The following PDE10A variants were observed in gnomAD, a reference collection of about 807,000 sequenced individuals.
PDE10A encodes cAMP and cAMP-inhibited cGMP 3',5'-cyclic phosphodiesterase 10A.
A neutral mutation model predicts 97.7 loss-of-function variants in PDE10A; 39 were observed. That is an observed-to-expected ratio of 0.40 (90% CI 0.31 to 0.52). PDE10A has a LOEUF of 0.52. PDE10A is among the 20% of genes least tolerant of loss of function. The probability of loss-of-function intolerance (pLI) is 0.56; values close to 1 mark genes in which losing one functional copy is unlikely to be tolerated. For missense variants in PDE10A, 731 were observed against 1,047.8 expected (o/e 0.70, Z 4.17); for synonymous variants, 371 against 376.8 (o/e 0.98, Z 0.18).
intron 1 of PDE10A, among the ~76,000 whole-genome samples, chr6:165,679,129 G>A (rs999987493): frequency 1.3e-5 from 2 of 152,160 alleles, no homozygotes; most frequent in Admixed American, 6.5e-5. Context: ...CAGGATAAGG[G>A]GTGCCCCATG....
At chr6:165,405,205 T>C (rs1208046983) in intron 13 of PDE10A, among the ~76,000 whole-genome samples, 1 of 152,208 alleles carries the variant, frequency 6.6e-6, no homozygotes, top group Non-Finnish European at 1.5e-5. Flanking sequence ...CCTCAGCGTA[T>C]AGAAGACAAC....
Position 165,485,982 on chromosome 6 carries a change from G to T in PDE10A, c.995-3639C>A, listed in dbSNP as rs147110010. ...AGAGTTGATCCTGCCTGCTGCTAAG[G>T]ACATTTGTTGTCAACTTTTAGGAGA... is the stretch of plus-strand genomic sequence containing the variant. On this transcript the variant is annotated intron_variant, in intron 2 of 21. Transcript: ENST00000539869. Among the ~76,000 whole-genome samples the T allele has an allele frequency of 6.3e-3, 965 of 152,322 alleles. 34 individuals carry two copies. The highest frequency in any genetic ancestry group is 0.042 in the Admixed American group (644 of 15,300).
chr6:165,811,525 G>A (rs1486990284), intron 1 of PDE10A, among the ~76,000 whole-genome samples: 13 of 152,090 alleles, frequency 8.5e-5, no homozygotes. Flanking sequence ...CCCTTCCCTG[G>A]TCCACTCATT....
intron 1 of PDE10A, among the ~76,000 whole-genome samples, chr6:165,869,199 C>T (rs1208597440): frequency 6.6e-6 from 1 of 151,408 alleles, no homozygotes; most frequent in Non-Finnish European, 1.5e-5. Context: ...TAGAGAAAAA[C>T]CTAAAGATCC....
At chr6:165,774,875 T>TA (rs2046992547) in intron 1 of PDE10A, 5 of 146,998 alleles carry the variant, frequency 3.4e-5, no homozygotes, top group South Asian at 2.2e-4. Context: ...TTCATAGTCC[T>TA]AAAAAAATCC....
chr6:165,975,654 C>T (rs1784825271), intron 1 of PDE10A, among the ~76,000 whole-genome samples: 1 of 152,158 alleles, frequency 6.6e-6, no homozygotes, highest in Admixed American at 6.5e-5. Flanking sequence ...TCAGATGACA[C>T]TTTGTTCTAT....
intron 1 of PDE10A, among the ~76,000 whole-genome samples, chr6:165,861,702 A>G (rs796275098): frequency 9.9e-5 from 15 of 152,132 alleles, no homozygotes; most frequent in African/African-American, 3.6e-4. Context: ...AGGCAAGGGA[A>G]GGGAGTGACG....
intron 1 of PDE10A, among the ~76,000 whole-genome samples, chr6:165,558,765 G>A (rs752064250): frequency 8.5e-5 from 13 of 152,110 alleles, no homozygotes; most frequent in Middle Eastern, 3.4e-3. Context: ...CTCAAAAAAC[G>A]AAGGCAAATA....
chr6:165,575,535 A>G (rs573433834), intron 1 of PDE10A, among the ~76,000 whole-genome samples: 1 of 151,958 alleles, frequency 6.6e-6, no homozygotes, highest in East Asian at 1.9e-4. Context: ...TTTCCCCTTT[A>G]TGTCTCATGT....
At position 165,433,019 on chromosome 6, in the gene PDE10A, C is replaced by T. The variant is rs1403075177; in HGVS notation, c.1446G>A (p.Leu482=). ...AIGDLIGILE[L]YRHWGKEAFC... ...AGGCTTCTTTGCCCCAGTGCCGATACAGCTCGAGAATACCAATCAAGTCAC... is the reference window on the plus strand; with the variant it reads ...AGGCTTCTTTGCCCCAGTGCCGATATAGCTCGAGAATACCAATCAAGTCAC... Residue 482 remains leucine, a synonymous_variant, in exon 7 of 22, where the codon CTG becomes CTA. Transcript: ENST00000539869. The T allele has an allele frequency of 3.1e-6, 5 of 1,613,858 alleles. No homozygotes were observed. The Admixed American group carries it at 6.7e-5, about 22-fold the overall frequency.
At chr6:165,545,055 T>C (rs1783670348) in intron 1 of PDE10A, 2 of 434,434 alleles carry the variant, frequency 4.6e-6, no homozygotes, top group Non-Finnish European at 8.7e-6. Context: ...AGTAAGCTGA[T>C]AGCATACTTG....
chr6:165,862,599 A>C (rs2128476977), intron 1 of PDE10A, among the ~76,000 whole-genome samples: 1 of 152,298 alleles, frequency 6.6e-6, no homozygotes, highest in East Asian at 1.9e-4. Context: ...TGATGAATTC[A>C]GGACCACACT....
In PDE10A at chr6:165,705,550, T is replaced by C. The variant is rs560965460; in HGVS notation, c.-614-161982A>G. On this transcript the variant is annotated intron_variant, in intron 1 of 19. Transcript: ENST00000366882. ...TACTGCAGTGGGAAGGCAAATTTCATGAATTCAAAATGTTATTCAAATAAT... is the reference window on the plus strand; with the variant it reads ...TACTGCAGTGGGAAGGCAAATTTCACGAATTCAAAATGTTATTCAAATAAT... Among the ~76,000 whole-genome samples, 21 of 152,376 alleles carry C rather than the reference T, an allele frequency of 1.4e-4. No homozygotes were observed. The South Asian group carries it at 4.3e-3, about 32-fold the overall frequency.
intron 2 of PDE10A, among the ~76,000 whole-genome samples, chr6:165,539,025 T>G (rs1783263939): frequency 6.6e-6 from 1 of 152,208 alleles, no homozygotes; most frequent in Non-Finnish European, 1.5e-5. Flanking sequence ...TGATGAAACC[T>G]GTTTAAAACT....
Position 165,619,547 on chromosome 6 carries a change from G to GTCTAATGTAGCGTAGTGTAC in PDE10A, c.865+42399_865+42400insGTACACTACGCTACATTAGA, listed in dbSNP as rs1272376275. On this transcript the variant is annotated intron_variant, in intron 1 of 21. Coordinates refer to ENST00000539869, the MANE Select transcript of PDE10A (RefSeq NM_001385079.1). ...GTGTAGTGTAGTCTAATGTAGTGTA[G>GTCTAATGTAGCGTAGTGTAC]TGTAGTCTAGTGTAGTATACTGTAG... Among the ~76,000 whole-genome samples the GTCTAATGTAGCGTAGTGTAC allele has an allele frequency of 1.2e-3, 142 of 115,498 alleles. 35 individuals carry two copies. The highest frequency in any genetic ancestry group is 4.5e-3 in the Middle Eastern group (1 of 220). The allele number at this position is 115,498 out of a possible 152,430, so 75.8% of individuals were successfully genotyped here.
chr6:165,450,232 T>C lies in PDE10A; in HGVS notation c.1144+10A>G. Reference sequence around the variant, plus strand: ...CATTTTTTCTAACAGGAACACAAAATGCTTCTTACCTATTTTAATGATGCT... The same window carrying C: ...CATTTTTTCTAACAGGAACACAAAACGCTTCTTACCTATTTTAATGATGCT... On this transcript the variant is annotated intron_variant, in intron 4 of 21. Coordinates refer to ENST00000539869, the MANE Select transcript of PDE10A (RefSeq NM_001385079.1). The C allele has an allele frequency of 6.6e-7, 1 of 1,524,258 alleles. No individual in the cohort carries two copies. The highest frequency in any genetic ancestry group is 8.8e-7 in the Non-Finnish European group (1 of 1,133,848). 94.4% of individuals were successfully genotyped at this position (1,524,258 alleles called of 1,614,324 possible).
intron 1 of PDE10A, among the ~76,000 whole-genome samples, chr6:165,846,451 G>T (rs936119277): frequency 1.3e-5 from 2 of 152,214 alleles, no homozygotes; most frequent in Non-Finnish European, 2.9e-5. Flanking sequence ...ATGGGCTACC[G>T]CACCACCCTG....
chr6:165,418,621 A>C lies in PDE10A; in HGVS notation c.1796+14T>G. Reference sequence around the variant, plus strand: ...CTACCGTAAGAGGATAGGACATTCTACTTCTAGCTGTACCTTATCTCTTTG... The same window carrying C: ...CTACCGTAAGAGGATAGGACATTCTCCTTCTAGCTGTACCTTATCTCTTTG... On this transcript the variant is annotated intron_variant, in intron 11 of 21. Transcript: ENST00000539869. The surrounding 1 kb of genome is among the most constrained non-coding windows in gnomAD (Gnocchi z 4.8). The C allele has an allele frequency of 6.2e-7, 1 of 1,609,832 alleles. No homozygotes were observed. The highest frequency in any genetic ancestry group is 1.1e-5 in the South Asian group (1 of 91,038).
chr6:165,921,194 G>T (rs558736104), intron 1 of PDE10A, among the ~76,000 whole-genome samples: 11 of 152,218 alleles, frequency 7.2e-5, no homozygotes, highest in Non-Finnish European at 1.3e-4. Flanking sequence ...ATAACTGGGA[G>T]TTCAAAGCCA....
Sources: allele counts gnomAD v4.1 joint callset (sites outside exome capture counted in the v4.1 genomes callset), GRCh38; gene constraint gnomAD v4.1.1; non-coding constraint Gnocchi (gnomAD v3.1); transcripts MANE v1.5; gene names NCBI Gene and HGNC (gene_info 2026-07-23, HGNC 2026-07-21).